SNAPC4: variants seen among roughly 807,000 people sequenced by gnomAD.
The protein encoded by SNAPC4 is snRNA-activating protein complex subunit 4.
A neutral mutation model predicts 151.3 loss-of-function variants in SNAPC4; 127 were observed. That is an observed-to-expected ratio of 0.84 (90% CI 0.73 to 0.97). SNAPC4 has a LOEUF of 0.97. SNAPC4 is among the 50% of genes least tolerant of loss of function. SNAPC4 has a pLI of 0.00. For synonymous variants in SNAPC4, 1,002 were observed against 824.4 expected (o/e 1.22, Z -3.69); for missense variants, 2,186 against 1,935.0 (o/e 1.13, Z -2.43).
chr9:136,391,112 G>T (rs1834059063), intron 10 of SNAPC4, among the ~76,000 whole-genome samples: 1 of 152,142 alleles, frequency 6.6e-6, no homozygotes, highest in South Asian at 2.1e-4. Flanking sequence ...GGGATTACAG[G>T]GGTGAGCCAC....
chr9:136,379,369 TCCCCTCATCAGGAGGGAC>T (rs1421369794), intron 21 of SNAPC4, 70 bp from the exon 22 acceptor site: 1 of 1,591,518 alleles, frequency 6.3e-7, no homozygotes, highest in Non-Finnish European at 8.5e-7. Flanking sequence ...CTCGCTGCCA[TCCCCTCATCAGGAGGGAC>T]CATGTGGGGA....
At position 136,383,398 on chromosome 9, in the gene SNAPC4, G is replaced by T; in HGVS notation, c.1771C>A (p.Leu591Met). 6.3e-7 allele frequency: 1 copy of T among 1,579,744 alleles called. No individual in the cohort carries two copies. Among genetic ancestry groups the T allele is most frequent in the Non-Finnish European group, 8.6e-7 (1 of 1,162,906 alleles). ...CTGAGGGAGGCAGCGGGGCCTCCCA[G>T]CCAGGCCCCTGCCCCTCCTCTCCAT... ...QPWRGGAGAWLGGPAASLSPP... is the reference protein window; with the variant it reads ...QPWRGGAGAWMGGPAASLSPP... Residue 591 changes from leucine to methionine, a missense_variant, in exon 16 of 24, where the codon CTG (leucine) becomes ATG (methionine). Coordinates refer to ENST00000684778, the MANE Select transcript of SNAPC4 (RefSeq NM_003086.4). The surrounding 1 kb of genome is among the most constrained non-coding windows in gnomAD (Gnocchi z 4.2).
rs764912947 is a variant in SNAPC4 at position 136,378,740 on chromosome 9, G to C, written c.3087C>G (p.Pro1029=). Residue 1029 remains proline, a synonymous_variant, in exon 22 of 24, where the codon CCC becomes CCG. Coordinates refer to ENST00000684778, the MANE Select transcript of SNAPC4 (RefSeq NM_003086.4). Reference sequence around the variant, plus strand: ...GCAGGCCCTGCTTCCGGGATGCAGCGGGGGCCTGAGACTGTCCGAGACCAC... The same window carrying C: ...GCAGGCCCTGCTTCCGGGATGCAGCCGGGGCCTGAGACTGTCCGAGACCAC... The part of the protein sequence containing the change: ...PESGLGQSQA[P]AASRKQGLPE... 6.6e-7 allele frequency: 1 copy of C among 1,517,924 alleles called. No individual in the cohort carries two copies. The allele number at this position is 1,517,924 out of a possible 1,614,324, so 94.0% of individuals were successfully genotyped here. A position where few individuals can be genotyped will look rare whatever the true frequency, so the allele number is the denominator to read the frequency against.
intron 1 of SNAPC4, 137 bp downstream of exon 1, chr9:136,399,997 T>C (rs1003755749): frequency 1.3e-5 from 2 of 152,056 alleles, no homozygotes; most frequent in East Asian, 1.9e-4. Flanking sequence ...CGGGCCTCAG[T>C]TTCCCCGACT....
At position 136,388,554 on chromosome 9, in the gene SNAPC4, TG is replaced by T. The variant is rs776198616; in HGVS notation, c.1012del (p.Gln338SerfsTer7). 6.2e-7 allele frequency: 1 copy of T among 1,614,110 alleles called. No homozygotes were observed. Among genetic ancestry groups the T allele is most frequent in the Non-Finnish European group, 8.5e-7 (1 of 1,180,028 alleles). On this transcript the variant is annotated frameshift_variant, in exon 11 of 24. Coordinates refer to ENST00000684778, the MANE Select transcript of SNAPC4 (RefSeq NM_003086.4). LOFTEE classifies it high-confidence loss of function. ...RSAFQCLQKF[Q>X]QHNKALKRKE... The stretch of plus-strand genomic sequence containing the variant: ...GCGTTTCAGAGCTTTGTTGTGCTGC[TG>T]GAATTTCTGCAGGCACTGGAAGGCG...
Position 136,378,477 on chromosome 9 carries a change from G to C in SNAPC4, c.3350C>G (p.Thr1117Ser), listed in dbSNP as rs760877134. The change falls in exon 22 of 24, where the codon ACT becomes AGT. Residue 1117 changes from threonine (T) to serine (S), a missense_variant. Physicochemically the swap from Thr to Ser is moderately conservative, Grantham distance 58. Coordinates refer to ENST00000684778, the MANE Select transcript of SNAPC4 (RefSeq NM_003086.4). ...GLLATLLPPL[T>S]ETRAAQGPRA... is the part of the protein sequence containing the mutation. ...GGGGCCCTGGGCCGCCCGAGTCTCA[G>C]TCAGGGGAGGCAGCAGAGTGGCCAG... 33 of 1,591,182 alleles carry C rather than the reference G, an allele frequency of 2.1e-5. 1 individual carries two copies. In the African/African-American group the frequency reaches 2.4e-4, roughly 12 times the overall value.
chr9:136,391,001 A>ATT (rs1449415889), intron 10 of SNAPC4, among the ~76,000 whole-genome samples: 2 of 151,918 alleles, frequency 1.3e-5, no homozygotes, highest in Non-Finnish European at 2.9e-5. Context: ...CGCCCGGCTA[A>ATT]TTTTGTATTT....
chr9:136,387,400 C>A lies in SNAPC4; in HGVS notation c.1325+85G>T, dbSNP rs1005074966. On this transcript the variant is annotated intron_variant, in intron 13 of 23. Transcript: ENST00000684778. ...CCTCGCCCAGCGCTGGCCGCTGTCC[C>A]CCAGCCCGCCCACAGCCCACACCAG... 5.9e-6 allele frequency: 6 copies of A among 1,008,852 alleles called. No individual in the cohort carries two copies. In the African/African-American group the frequency reaches 9.5e-5, roughly 16 times the overall value. The allele number at this position is 1,008,852 out of a possible 1,614,324, so 62.5% of individuals were successfully genotyped here.
chr9:136,377,887 G>A lies in SNAPC4; in HGVS notation c.3940C>T (p.Leu1314=), dbSNP rs144874677. ...TTCTTGTGGAGTAGGAGACCGGACAGAGCTCGCAGGCTGCACAGGGCTGGG... is the reference window on the plus strand; with the variant it reads ...TTCTTGTGGAGTAGGAGACCGGACAAAGCTCGCAGGCTGCACAGGGCTGGG... The part of the protein sequence containing the change: ...QPPALCSLRA[L]SGLLLHKKAL... Residue 1314 remains leucine, a synonymous_variant, in exon 22 of 24, where the codon CTG becomes TTG. Coordinates refer to ENST00000684778, the MANE Select transcript of SNAPC4 (RefSeq NM_003086.4). The A allele has an allele frequency of 9.0e-4, 1,451 of 1,611,472 alleles. 2 individuals are homozygous for A. Among genetic ancestry groups the A allele is most frequent in the Non-Finnish European group, 1.2e-3 (1,369 of 1,179,826 alleles).
rs749884807 is a variant in SNAPC4, at chr9:136,383,294, C to G, written c.1875G>C (p.Thr625=). The G allele has an allele frequency of 3.1e-6, 5 of 1,612,144 alleles. No homozygotes were observed. Among genetic ancestry groups the G allele is most frequent in the Non-Finnish European group, 4.2e-6 (5 of 1,179,712 alleles). Residue 625 remains threonine, a synonymous_variant, in exon 16 of 24, where the codon ACG becomes ACC. Coordinates refer to ENST00000684778, the MANE Select transcript of SNAPC4 (RefSeq NM_003086.4). This position sits in a 1 kb window ranked among gnomAD's most constrained non-coding sequence, Gnocchi z 4.2. The stretch of plus-strand genomic sequence containing the variant: ...CCCTGGCAGGGACCTGCACCGGACT[C>G]GTCTCCTCTCCAGGAGCCGCGGCTG... The part of the protein sequence containing the change: ...STTAAAPGEE[T]SPVQVPARAH...
Position 136,383,028 on chromosome 9 carries a change from C to G in SNAPC4, c.1983+158G>C, listed in dbSNP as rs762062663. Among the ~76,000 whole-genome samples, 1 of 152,240 alleles carries G rather than the reference C, an allele frequency of 6.6e-6. No individual in the cohort carries two copies. The highest frequency in any genetic ancestry group is 1.5e-5 in the Non-Finnish European group (1 of 68,044). ...GAAAAATGGAGGCTTCCCCAACAGT[C>G]CCCCCGACGCACAGCTGTCCAGAGC... On this transcript the variant is annotated intron_variant, in intron 16 of 23. Transcript: ENST00000684778. The surrounding 1 kb of genome is among the most constrained non-coding windows in gnomAD (Gnocchi z 4.2).
chr9:136,386,042 T>C (rs1454819556), intron 13 of SNAPC4, among the ~76,000 whole-genome samples: 1 of 152,166 alleles, frequency 6.6e-6, no homozygotes, highest in Non-Finnish European at 1.5e-5. Context: ...GGGGTATAAT[T>C]CTATGTTTAA....
chr9:136,395,508 C>A (rs938427273), intron 4 of SNAPC4, 85 bp from the exon 5 acceptor site: 4 of 1,571,420 alleles, frequency 2.5e-6, no homozygotes, highest in African/African-American at 1.4e-5. Context: ...AGAGGAGAGG[C>A]AGGGAGCTGG....
rs1409565233 is a variant in SNAPC4, at chr9:136,394,824, A to G, written c.526T>C (p.Phe176Leu). ...REKAAQGIKA[F>L]EELLVTKWKN... ...CATTTGGTCACAAGGAGCTCCTCGA[A>G]AGCCTTGATCCCCTGGGCAGCCTTC... The change falls in exon 6 of 24, where the codon TTC (phenylalanine) becomes CTC (leucine). Residue 176 changes from phenylalanine to leucine, a missense_variant. Phe to Leu is a conservative substitution (Grantham distance 22, BLOSUM62 0). Coordinates refer to ENST00000684778, the MANE Select transcript of SNAPC4 (RefSeq NM_003086.4). 6.2e-7 allele frequency: 1 copy of G among 1,613,806 alleles called. No homozygotes were observed. Among genetic ancestry groups the G allele is most frequent in the Non-Finnish European group, 8.5e-7 (1 of 1,179,988 alleles).
At chr9:136,395,534 G>C in intron 4 of SNAPC4, 69 bp downstream of exon 4, 1 of 1,564,276 alleles carries the variant, frequency 6.4e-7, no homozygotes, top group Non-Finnish European at 8.7e-7. Context: ...CCTGGACCTG[G>C]GAGGCCCAGC....
rs1833970107 is a variant in SNAPC4 at position 136,388,600 on chromosome 9, GC to G, written c.976-10del. ...AAGGCGCTGCGGCTGGTCTTCCCAG[GC>G]CCAAACAAAAGCAAATGAGTGTTAC... On this transcript the variant is annotated splice_polypyrimidine_tract_variant and intron_variant, in intron 10 of 23. Coordinates refer to ENST00000684778, the MANE Select transcript of SNAPC4 (RefSeq NM_003086.4). The G allele has an allele frequency of 2.5e-6, 4 of 1,613,856 alleles. No homozygotes were observed. Among genetic ancestry groups the G allele is most frequent in the Non-Finnish European group, 3.4e-6 (4 of 1,179,984 alleles).
Position 136,380,732 on chromosome 9 carries a change from C to T in SNAPC4, c.2499+8G>A. On this transcript the variant is annotated splice_region_variant and intron_variant, in intron 20 of 23. Transcript: ENST00000684778. Reference sequence around the variant, plus strand: ...CCATCCTCACTTCTCACCCCAAGTGCCTGCTACCTGCAGAAGATGAACTGG... The same window carrying T: ...CCATCCTCACTTCTCACCCCAAGTGTCTGCTACCTGCAGAAGATGAACTGG... 2.0e-6 allele frequency: 3 copies of T among 1,516,596 alleles called. No homozygotes were observed. Among genetic ancestry groups the T allele is most frequent in the Non-Finnish European group, 2.7e-6 (3 of 1,092,686 alleles). The allele number at this position is 1,516,596 out of a possible 1,614,324, so 93.9% of individuals were successfully genotyped here.
rs774361040 is a variant in SNAPC4, at chr9:136,395,665, C to T, written c.283G>A (p.Glu95Lys). Residue 95 changes from glutamate to lysine, a missense_variant, in exon 4 of 24, where the codon GAG becomes AAG. Transcript: ENST00000684778. The stretch of plus-strand genomic sequence containing the variant: ...TCAGCCAGCTTCTCCTGGATGACCT[C>T]CTGGTAGACCATGTTCAGCTGCAGG... ...TCLQLNMVYQ[E>K]VIQEKLAEAN... The T allele has an allele frequency of 2.5e-6, 4 of 1,613,308 alleles. No homozygotes were observed. The highest frequency in any genetic ancestry group is 3.4e-6 in the Non-Finnish European group (4 of 1,180,002).
Position 136,378,093 on chromosome 9 carries a change from G to A in SNAPC4, c.3734C>T (p.Pro1245Leu), listed in dbSNP as rs1386106605. The change falls in exon 22 of 24, where the codon CCT (proline) becomes CTT (leucine). Residue 1245 changes from proline (P) to leucine (L), a missense_variant. Coordinates refer to ENST00000684778, the MANE Select transcript of SNAPC4 (RefSeq NM_003086.4). ...LGLEKLPLRQ[P>L]GPEKGALDLE... Reference sequence around the variant, plus strand: ...GTCCAGGGCCCCCTTCTCAGGCCCAGGCTGGCGCAGGGGCAGCTTCTCCAG... The same window carrying A: ...GTCCAGGGCCCCCTTCTCAGGCCCAAGCTGGCGCAGGGGCAGCTTCTCCAG... 6.3e-7 allele frequency: 1 copy of A among 1,587,702 alleles called. No individual in the cohort carries two copies. The highest frequency in any genetic ancestry group is 8.6e-7 in the Non-Finnish European group (1 of 1,168,224).
Sources: allele counts gnomAD v4.1 joint callset (sites outside exome capture counted in the v4.1 genomes callset), GRCh38; gene constraint gnomAD v4.1.1; non-coding constraint Gnocchi (gnomAD v3.1); transcripts MANE v1.5; gene names NCBI Gene and HGNC (gene_info 2026-07-23, HGNC 2026-07-21).